The following XKR9 variants were observed in gnomAD, a reference collection of about 807,000 sequenced individuals.
XKR9 encodes the protein XK related 9.
A neutral mutation model predicts 32.0 loss-of-function variants in XKR9; 32 were observed. The ratio of observed to expected loss-of-function variants is 1.00; its 90% CI spans 0.76 to 1.34. The LOEUF (loss-of-function observed/expected upper bound fraction) is 1.34, where lower values mean the gene tolerates loss of function less well. Among genes scored for constraint, XKR9 ranks in the 40% most tolerant of loss-of-function variants. The pLI is 0.00. For synonymous variants in XKR9, 168 were observed against 143.4 expected, an observed-to-expected ratio of 1.17 and a Z score of -1.22; for missense variants, 546 against 429.7, an observed-to-expected ratio of 1.27 and a Z score of -2.39.
chr8:70,788,128 G>T (rs1807712699), intron 2 of XKR9, among the ~76,000 whole-genome samples: 1 of 152,012 alleles, frequency 6.6e-6, no homozygotes, highest in South Asian at 2.1e-4. Flanking sequence ...TTCAAACCTT[G>T]ACTCCTCCAC....
At chr8:70,763,511 G>T (rs376064168) in intron 2 of XKR9, among the ~76,000 whole-genome samples, 4 of 152,156 alleles carry the variant, frequency 2.6e-5, no homozygotes, top group African/African-American at 9.6e-5. Flanking sequence ...GGCTGCTTTG[G>T]CCTTTGGCAG....
intron 3 of XKR9, among the ~76,000 whole-genome samples, chr8:70,697,387 G>A: frequency 6.6e-6 from 1 of 151,244 alleles, no homozygotes; most frequent in African/African-American, 2.4e-5. Context: ...AGAGTTTTTA[G>A]CATGAAGCGT....
the XKR9 span, among the ~76,000 whole-genome samples, chr8:70,990,732 TAAGAGA>T: frequency 1.1e-5 from 1 of 88,844 alleles, no homozygotes; most frequent in East Asian, 3.0e-4. Context: ...TTTGGCAGAA[TAAGAGA>T]GAGAGAGAGA....
rs765313910 is a variant in XKR9, at chr8:70,707,115, A to C, written c.455A>C (p.Tyr152Ser). ...TGCCCACAACTTATTCTTCAACTCT[A>C]CATTCTTCTGGAGCATGGACAAGCG... ...EGCPQLILQLYILLEHGQANF... is the reference protein window; with the variant it reads ...EGCPQLILQLSILLEHGQANF... Residue 152 changes from tyrosine to serine, a missense_variant, in exon 4 of 5, where the codon TAC (tyrosine) becomes TCC (serine). By Grantham distance (144) the Tyr-to-Ser change is moderately radical. Transcript: ENST00000408926. 1 of 1,613,376 alleles carries C rather than the reference A, an allele frequency of 6.2e-7. No homozygotes were observed. Among genetic ancestry groups the C allele is most frequent in the Admixed American group, 1.7e-5 (1 of 60,004 alleles).
chr8:70,681,449 G>T, intron 3 of XKR9, 119 bp downstream of exon 3: 1 of 1,227,370 alleles, frequency 8.1e-7, no homozygotes, highest in Non-Finnish European at 1.1e-6. Context: ...GAAGCACAAA[G>T]GTTACTTGCT....
the XKR9 span, among the ~76,000 whole-genome samples, chr8:70,820,741 C>T: frequency 2.0e-5 from 3 of 152,234 alleles, no homozygotes; most frequent in South Asian, 6.2e-4. Flanking sequence ...GGGGGAAGAG[C>T]CCCATATAAA....
At chr8:70,838,256 C>T in the XKR9 span, among the ~76,000 whole-genome samples, 3 of 152,070 alleles carry the variant, frequency 2.0e-5, no homozygotes, top group African/African-American at 4.8e-5. Context: ...TTTTTACTTA[C>T]AACTCTCCTG....
At chr8:70,698,135 G>A (rs1385782824) in intron 3 of XKR9, among the ~76,000 whole-genome samples, 4 of 152,056 alleles carry the variant, frequency 2.6e-5, no homozygotes, top group African/African-American at 7.2e-5. Flanking sequence ...CAAAAAACCA[G>A]CTCCTGGATT....
At chr8:70,776,947 C>CTCTCTCTCTCTCTCTCTCTCTATATATA in intron 2 of XKR9, among the ~76,000 whole-genome samples, 21 of 54,206 alleles carry the variant, frequency 3.9e-4, no homozygotes, top group African/African-American at 1.5e-3. Context: ...CTCTCTCTCT[C>CTCTCTCTCTCTCTCTCTCTCTATATATA]TATATATATA....
chr8:70,906,566 T>C, the XKR9 span, among the ~76,000 whole-genome samples: 61,113 of 152,092 alleles, frequency 0.4, 13,798 homozygotes, highest in Non-Finnish European at 0.52. Context: ...ATTTTAGCAG[T>C]TATTTGATGG....
At chr8:70,855,355 A>G in the XKR9 span, among the ~76,000 whole-genome samples, 4 of 152,318 alleles carry the variant, frequency 2.6e-5, no homozygotes, top group African/African-American at 7.2e-5. Context: ...AGCCGATTCA[A>G]TCAACTGGAA....
At chr8:70,751,199 C>T (rs1343847811) in intron 2 of XKR9, among the ~76,000 whole-genome samples, 1 of 152,162 alleles carries the variant, frequency 6.6e-6, no homozygotes, top group Non-Finnish European at 1.5e-5. Context: ...CGCGATTCGG[C>T]TCACTGCAGC....
the XKR9 span, among the ~76,000 whole-genome samples, chr8:71,003,442 GT>G: frequency 6.6e-6 from 1 of 151,818 alleles, no homozygotes; most frequent in Non-Finnish European, 1.5e-5. Flanking sequence ...ATTGTTTTCA[GT>G]TTCTTTTTTT....
At chr8:70,732,312 G>A (rs577743539) in intron 4 of XKR9, among the ~76,000 whole-genome samples, 31 of 152,374 alleles carry the variant, frequency 2.0e-4, no homozygotes, top group Middle Eastern at 3.4e-3. Flanking sequence ...TGGAGCTACA[G>A]ATACCCTGTG....
intron 4 of XKR9, among the ~76,000 whole-genome samples, chr8:70,728,991 T>G (rs1806572609): frequency 1.3e-5 from 2 of 152,336 alleles, no homozygotes; most frequent in South Asian, 4.1e-4. Context: ...AAAGTGACAT[T>G]CTTTACTTAC....
chr8:70,881,367 C>G, the XKR9 span, among the ~76,000 whole-genome samples: 1 of 151,934 alleles, frequency 6.6e-6, no homozygotes, highest in Non-Finnish European at 1.5e-5. Flanking sequence ...TCCAATCTAC[C>G]CATCTGATGA....
chr8:70,854,597 C>T, the XKR9 span, among the ~76,000 whole-genome samples: 9 of 152,114 alleles, frequency 5.9e-5, no homozygotes, highest in African/African-American at 2.2e-4. Context: ...AATCCTTGCC[C>T]ATGCCTATGT....
At chr8:70,725,212 C>A (rs935811266) in intron 4 of XKR9, among the ~76,000 whole-genome samples, 2 of 152,132 alleles carry the variant, frequency 1.3e-5, no homozygotes, top group African/African-American at 4.8e-5. Context: ...TATGGGATTA[C>A]AATTCAAGAT....
At chr8:70,978,545 G>C in the XKR9 span, among the ~76,000 whole-genome samples, 4 of 152,174 alleles carry the variant, frequency 2.6e-5, no homozygotes, top group East Asian at 7.7e-4. Context: ...TTTTCTTTAA[G>C]AATGTTGAAT....
Sources: allele counts gnomAD v4.1 joint callset (sites outside exome capture counted in the v4.1 genomes callset), GRCh38; gene constraint gnomAD v4.1.1; transcripts MANE v1.5; gene names NCBI Gene and HGNC (gene_info 2026-07-23, HGNC 2026-07-21).